Variants in KCNMB2 observed in about 807,000 individuals in gnomAD.
KCNMB2 encodes the protein potassium calcium-activated channel subfamily M regulatory beta subunit 2, also known as calcium-activated potassium channel subunit beta-2.
KCNMB2 carries 9 observed loss-of-function variants against 24.5 expected under a neutral mutation model. The observed-to-expected ratio is 0.37, with a 90% CI of 0.22 to 0.64. The LOEUF (loss-of-function observed/expected upper bound fraction) is 0.64. Ranked by LOEUF, KCNMB2 falls within the 30% of genes least tolerant of loss-of-function variation. The pLI, the probability that KCNMB2 is intolerant of heterozygous loss-of-function variation, is 0.63. For synonymous variants in KCNMB2, 109 were observed against 104.4 expected, an observed-to-expected ratio of 1.04 and a Z score of -0.27; for missense variants, 226 against 284.3, an observed-to-expected ratio of 0.79 and a Z score of 1.47.
intron 1 of KCNMB2, among the ~76,000 whole-genome samples, chr3:178,636,584 C>T (rs1451445099): frequency 6.6e-6 from 1 of 152,196 alleles, no homozygotes; most frequent in Non-Finnish European, 1.5e-5. Flanking sequence ...AAAAACTGCA[C>T]TCACTCTCTT....
intron 1 of KCNMB2, among the ~76,000 whole-genome samples, chr3:178,766,314 C>T (rs1366210980): frequency 1.3e-5 from 2 of 152,118 alleles, no homozygotes; most frequent in Non-Finnish European, 2.9e-5. Flanking sequence ...CTGCCTTGGC[C>T]TCCCAAGTAG....
At chr3:178,690,899 C>G (rs879522263) in intron 1 of KCNMB2, among the ~76,000 whole-genome samples, 3 of 151,906 alleles carry the variant, frequency 2.0e-5, no homozygotes, top group Non-Finnish European at 4.4e-5. Context: ...ATCTATAGGT[C>G]AATTAAGGCC....
intron 1 of KCNMB2, among the ~76,000 whole-genome samples, chr3:178,687,396 G>T (rs1262167179): frequency 6.6e-6 from 1 of 151,992 alleles, no homozygotes; most frequent in Non-Finnish European, 1.5e-5. Context: ...TGTACTTATG[G>T]GTCTGGAGTT....
chr3:178,631,062 C>T lies in KCNMB2; in HGVS notation c.-68+94351C>T, dbSNP rs143001286. 7.5e-3 allele frequency among the ~76,000 whole-genome samples: 1,141 copies of T among 152,160 alleles called. 12 individuals are homozygous for T. Among genetic ancestry groups the T allele is most frequent in the African/African-American group, 0.026 (1,090 of 41,518 alleles). On this transcript the variant is annotated intron_variant, in intron 1 of 4. Coordinates refer to ENST00000452583, the MANE Select transcript of KCNMB2 (RefSeq NM_181361.3). Reference sequence around the variant, plus strand: ...ATAAAACTATATAGCATTTTTAATACGGAGAAAGTGTTTCTACTCTCCCTG... The same window carrying T: ...ATAAAACTATATAGCATTTTTAATATGGAGAAAGTGTTTCTACTCTCCCTG...
chr3:178,716,066 T>C (rs1303224651), intron 1 of KCNMB2, among the ~76,000 whole-genome samples: 1 of 152,232 alleles, frequency 6.6e-6, no homozygotes, highest in Non-Finnish European at 1.5e-5. Context: ...CAAATCTCTC[T>C]AACCAAAGCT....
intron 1 of KCNMB2, among the ~76,000 whole-genome samples, chr3:178,566,573 C>T (rs1003539642): frequency 1.5e-5 from 2 of 130,672 alleles, no homozygotes; most frequent in Admixed American, 7.6e-5. Flanking sequence ...CCATTACATC[C>T]TGTCTCCTTC....
chr3:178,797,701 C>T (rs1010567081), intron 1 of KCNMB2, among the ~76,000 whole-genome samples: 2 of 152,130 alleles, frequency 1.3e-5, no homozygotes, highest in Admixed American at 6.6e-5. Context: ...ATGGGAATAG[C>T]ATTGAATCTA....
chr3:178,820,310 C>A (rs1414957121), intron 2 of KCNMB2, among the ~76,000 whole-genome samples: 1 of 152,230 alleles, frequency 6.6e-6, no homozygotes, highest in East Asian at 1.9e-4. Flanking sequence ...TAATCAGTCT[C>A]ATTGCCATAC....
intron 1 of KCNMB2, among the ~76,000 whole-genome samples, chr3:178,572,266 G>A (rs1446320319): frequency 3.9e-5 from 6 of 152,144 alleles, no homozygotes; most frequent in Non-Finnish European, 8.8e-5. Flanking sequence ...TTACTTAACT[G>A]GCTCAACAAA....
intron 1 of KCNMB2, among the ~76,000 whole-genome samples, chr3:178,556,946 G>A (rs1462042199): frequency 6.6e-6 from 1 of 152,194 alleles, no homozygotes; most frequent in Non-Finnish European, 1.5e-5. Flanking sequence ...TGGGAGAGAG[G>A]AGGATGCATA....
intron 1 of KCNMB2, among the ~76,000 whole-genome samples, chr3:178,639,069 G>A (rs1453086085): frequency 6.6e-6 from 1 of 152,030 alleles, no homozygotes; most frequent in African/African-American, 2.4e-5. Flanking sequence ...AGTTACCCTT[G>A]AATAGATTTT....
At position 178,843,376 on chromosome 3, in the gene KCNMB2, C is replaced by T. The variant is rs145052102; in HGVS notation, c.*439C>T. On this transcript the variant is annotated 3_prime_UTR_variant, in exon 5 of 5. Coordinates refer to ENST00000452583, the MANE Select transcript of KCNMB2 (RefSeq NM_181361.3). ...TTTTTTTTTCTTATTCTAAACTGAG[C>T]CCTATAGCAAGTGAAGGGACCAGAT... The T allele has an allele frequency of 4.6e-5, 13 of 279,604 alleles. No homozygotes were observed. In the East Asian group the frequency reaches 1.3e-3, roughly 28 times the overall value. 17.3% of individuals were successfully genotyped at this position (279,604 alleles called of 1,614,324 possible).
chr3:178,755,541 T>G (rs540563301), intron 1 of KCNMB2, among the ~76,000 whole-genome samples: 2 of 152,338 alleles, frequency 1.3e-5, no homozygotes, highest in East Asian at 3.9e-4. Context: ...ATCAAGCAGG[T>G]AAAACAAAAT....
chr3:178,653,351 T>G (rs1451767415), intron 1 of KCNMB2, among the ~76,000 whole-genome samples: 2 of 152,138 alleles, frequency 1.3e-5, no homozygotes, highest in East Asian at 3.8e-4. Flanking sequence ...TTTTTATGTT[T>G]GATGTAAATA....
At chr3:178,659,530 G>C (rs562204466) in intron 1 of KCNMB2, among the ~76,000 whole-genome samples, 1 of 152,280 alleles carries the variant, frequency 6.6e-6, no homozygotes, top group East Asian at 1.9e-4. Flanking sequence ...AATTACCTCT[G>C]TTTACAGATA....
chr3:178,568,891 G>A (rs1235206654), intron 1 of KCNMB2, among the ~76,000 whole-genome samples: 1 of 126,584 alleles, frequency 7.9e-6, no homozygotes, highest in Non-Finnish European at 1.7e-5. Context: ...TAGATAGATA[G>A]ATAGATAGAT....
At chr3:178,538,617 T>C (rs1715486447) in intron 1 of KCNMB2, among the ~76,000 whole-genome samples, 1 of 152,200 alleles carries the variant, frequency 6.6e-6, no homozygotes, top group Non-Finnish European at 1.5e-5. Flanking sequence ...CAGGAGAAAT[T>C]ATTTTGCTAT....
chr3:178,766,229 T>C (rs1390466619), intron 1 of KCNMB2, among the ~76,000 whole-genome samples: 1 of 152,208 alleles, frequency 6.6e-6, no homozygotes, highest in East Asian at 1.9e-4. Context: ...GGCCTTTCTC[T>C]GTCACCCAGG....
chr3:178,795,690 G>C (rs542798885), intron 1 of KCNMB2, among the ~76,000 whole-genome samples: 1 of 152,244 alleles, frequency 6.6e-6, no homozygotes, highest in East Asian at 1.9e-4. Context: ...AGCCCAGTTA[G>C]GGAGGCAGAT....
Sources: allele counts gnomAD v4.1 joint callset (sites outside exome capture counted in the v4.1 genomes callset), GRCh38; gene constraint gnomAD v4.1.1; transcripts MANE v1.5; gene names NCBI Gene and HGNC (gene_info 2026-07-23, HGNC 2026-07-21).